Variants in PDE1C observed in about 807,000 individuals in gnomAD.
The protein encoded by PDE1C is phosphodiesterase 1C, also known as dual specificity calcium/calmodulin-dependent 3',5'-cyclic nucleotide phosphodiesterase 1C.
A neutral mutation model predicts 93.1 loss-of-function variants in PDE1C; 62 were observed. That is an observed-to-expected ratio of 0.67 (90% confidence interval 0.54 to 0.82). The LOEUF (loss-of-function observed/expected upper bound fraction) is 0.82. Among genes scored for constraint, PDE1C ranks in the 40% least tolerant of loss-of-function variants. The probability of loss-of-function intolerance (pLI) is 0.00; values close to 1 mark genes in which losing one functional copy is unlikely to be tolerated. For missense variants in PDE1C, 742 were observed against 884.6 expected, an observed-to-expected ratio of 0.84 and a Z score of 2.04; for synonymous variants, 325 against 310.1, an observed-to-expected ratio of 1.05 and a Z score of -0.50.
chr7:32,174,062 A>T (rs1802825599), intron 2 of PDE1C, among the ~76,000 whole-genome samples: 2 of 152,132 alleles, frequency 1.3e-5, no homozygotes, highest in African/African-American at 4.8e-5. Flanking sequence ...AGGGCCCTAC[A>T]CATATATCTT....
chr7:31,769,479 G>A (rs1795344782), intron 17 of PDE1C, among the ~76,000 whole-genome samples: 1 of 152,012 alleles, frequency 6.6e-6, no homozygotes, highest in Non-Finnish European at 1.5e-5. Flanking sequence ...TTTACTTCTG[G>A]GAAATTATTA....
At chr7:31,742,669 CAA>C in the PDE1C span, among the ~76,000 whole-genome samples, 2 of 152,282 alleles carry the variant, frequency 1.3e-5, no homozygotes, top group African/African-American at 4.8e-5. Context: ...CCTAGGCCAC[CAA>C]AAGTCATGAT....
At chr7:31,992,470 G>C (rs1784257959) in intron 2 of PDE1C, among the ~76,000 whole-genome samples, 1 of 152,208 alleles carries the variant, frequency 6.6e-6, no homozygotes. Flanking sequence ...ATGAGGAAAG[G>C]CTTTGTTGGA....
chr7:31,968,408 T>C (rs1273724035), intron 2 of PDE1C, among the ~76,000 whole-genome samples: 2 of 151,942 alleles, frequency 1.3e-5, no homozygotes, highest in Non-Finnish European at 2.9e-5. Flanking sequence ...ACAAGGGATG[T>C]GAAGGACCTC....
At chr7:31,948,265 G>T (rs1806884487) in intron 2 of PDE1C, among the ~76,000 whole-genome samples, 2 of 152,182 alleles carry the variant, frequency 1.3e-5, no homozygotes, top group Admixed American at 6.5e-5. Context: ...ATAGAGTTAT[G>T]TGTACTTTGG....
intron 1 of PDE1C, among the ~76,000 whole-genome samples, chr7:32,422,046 C>T (rs1785441911): frequency 6.6e-6 from 1 of 152,144 alleles, no homozygotes; most frequent in African/African-American, 2.4e-5. Flanking sequence ...CAACTTGCAT[C>T]CTAGGTGAAA....
At chr7:31,876,621 TC>T (rs1221247411) in intron 5 of PDE1C, among the ~76,000 whole-genome samples, 1 of 152,222 alleles carries the variant, frequency 6.6e-6, no homozygotes, top group East Asian at 1.9e-4. Flanking sequence ...ACATTCAGGT[TC>T]AATTATGAAA....
chr7:32,300,170 C>G (rs1163658152), upstream of PDE1C, among the ~76,000 whole-genome samples: 1 of 152,172 alleles, frequency 6.6e-6, no homozygotes, highest in Non-Finnish European at 1.5e-5. Flanking sequence ...AACCCCCAAG[C>G]CTACTGGAAC....
chr7:31,748,910 A>G (rs149527151), downstream of PDE1C, among the ~76,000 whole-genome samples: 3 of 152,350 alleles, frequency 2.0e-5, no homozygotes, highest in African/African-American at 7.2e-5. Flanking sequence ...AATATAATTG[A>G]TCATGTGAAA....
chr7:31,972,540 G>A lies in PDE1C; in HGVS notation c.128+79014C>T, dbSNP rs564334175. ...AGTGCAGCTACAATTCTGAGGGCTC[G>A]GTTCCAGAATATTTTAGAAAAAGTA... On this transcript the variant is annotated intron_variant, in intron 2 of 17. Coordinates refer to ENST00000396191, the MANE Select transcript of PDE1C (RefSeq NM_001191057.4). Among the ~76,000 whole-genome samples, 28 of 152,222 alleles carry A rather than the reference G, an allele frequency of 1.8e-4. No homozygotes were observed. In the South Asian group the frequency reaches 5.6e-3, roughly 30 times the overall value.
intron 3 of PDE1C, among the ~76,000 whole-genome samples, chr7:32,166,184 T>C (rs1802259220): frequency 6.6e-6 from 1 of 152,180 alleles, no homozygotes; most frequent in South Asian, 2.1e-4. Flanking sequence ...ATTATACCTT[T>C]ATAAAGCTGG....
intron 2 of PDE1C, among the ~76,000 whole-genome samples, chr7:31,932,146 C>T (rs192733674): frequency 1.2e-3 from 181 of 152,290 alleles, no homozygotes; most frequent in African/African-American, 4.2e-3. Flanking sequence ...CCATTCAGGA[C>T]ATAGGCATGG....
At chr7:32,083,471 C>G (rs1347159571) in intron 3 of PDE1C, among the ~76,000 whole-genome samples, 1 of 152,104 alleles carries the variant, frequency 6.6e-6, no homozygotes, top group African/African-American at 2.4e-5. Flanking sequence ...GCAAGGCAGG[C>G]CAACACTCAG....
chr7:31,811,273 G>A (rs1000193667), intron 15 of PDE1C, among the ~76,000 whole-genome samples: 4 of 152,080 alleles, frequency 2.6e-5, no homozygotes, highest in African/African-American at 9.7e-5. Context: ...TGATTGTGAA[G>A]CCTCCCCAGC....
At chr7:32,070,899 C>G, upstream of PDE1C, 2 of 985,604 alleles carry the variant, frequency 2.0e-6, no homozygotes, top group Non-Finnish European at 2.4e-6. Context: ...CGCCGCGCAC[C>G]CGGCTCCGCC....
chr7:31,759,585 A>G (rs1478684832), intron 17 of PDE1C, among the ~76,000 whole-genome samples: 1 of 152,248 alleles, frequency 6.6e-6, no homozygotes, highest in African/African-American at 2.4e-5. Context: ...GAAGATTGTG[A>G]CAAAGGCACA....
the PDE1C span, chr7:31,695,540 G>A: frequency 7.4e-6 from 12 of 1,613,756 alleles, no homozygotes; most frequent in South Asian, 1.1e-5. Context: ...AAATGTACAG[G>A]CCACCCTGAA....
At chr7:32,025,283 G>A (rs555193694) in intron 2 of PDE1C, among the ~76,000 whole-genome samples, 7 of 152,086 alleles carry the variant, frequency 4.6e-5, no homozygotes, top group Non-Finnish European at 8.8e-5. Flanking sequence ...GGCAGTACAA[G>A]CGAGAGGTCC....
At position 32,374,135 on chromosome 7, in the gene PDE1C, G is replaced by A. The variant is rs1784379750; in HGVS notation, c.310+53687C>T. ...AGGAAGGAAGGAGAGAGAGAAGAAA[G>A]AGACGAAAGAATGAAAGAAAGAAAG... On this transcript the variant is annotated intron_variant, in intron 1 of 1. Transcript: ENST00000672256. Among the ~76,000 whole-genome samples the A allele has an allele frequency of 4.1e-5, 4 of 97,784 alleles. 1 individual carries two copies. The highest frequency in any genetic ancestry group is 3.3e-4 in the Admixed American group (3 of 9,104). 64.2% of individuals were successfully genotyped at this position (97,784 alleles called of 152,430 possible).
Sources: allele counts gnomAD v4.1 joint callset (sites outside exome capture counted in the v4.1 genomes callset), GRCh38; gene constraint gnomAD v4.1.1; transcripts MANE v1.5; gene names NCBI Gene and HGNC (gene_info 2026-07-23, HGNC 2026-07-21).